Variants in BRPF3 observed in about 807,000 individuals in gnomAD.
The protein encoded by BRPF3 is bromodomain and PHD finger-containing protein 3.
In BRPF3, 18 loss-of-function variants were observed where a neutral mutation model predicts 102.0. That is an observed-to-expected ratio of 0.18 (90% CI 0.12 to 0.26). The LOEUF (loss-of-function observed/expected upper bound fraction) is 0.26, where lower values mean the gene tolerates loss of function less well. BRPF3 is among the 10% of genes least tolerant of loss of function. The probability of loss-of-function intolerance (pLI) is 1.00; values close to 1 mark genes in which losing one functional copy is unlikely to be tolerated. For missense variants in BRPF3, 1,147 were observed against 1,567.8 expected (o/e 0.73, Z 4.53); for synonymous variants, 570 against 614.2 (o/e 0.93, Z 1.06).
chr6:36,203,184 A>G (rs780230095), intron 2 of BRPF3, among the ~76,000 whole-genome samples: 2 of 152,216 alleles, frequency 1.3e-5, no homozygotes, highest in Non-Finnish European at 1.5e-5. Context: ...CTTGCTGGCT[A>G]AGAACCAGAC....
intron 4 of BRPF3, among the ~76,000 whole-genome samples, chr6:36,209,291 T>C (rs1361480863): frequency 1.3e-5 from 2 of 152,248 alleles, no homozygotes; most frequent in Admixed American, 6.5e-5. Context: ...TGTGGCATAA[T>C]GGCCAAGAGC....
In BRPF3 at chr6:36,232,347, T is replaced by C. The variant is rs933237839; in HGVS notation, c.*1738T>C. 1.3e-5 allele frequency: 2 copies of C among 152,334 alleles called. No individual in the cohort carries two copies. Among genetic ancestry groups the C allele is most frequent in the South Asian group, 2.1e-4 (1 of 4,834 alleles). 9.4% of individuals were successfully genotyped at this position (152,334 alleles called of 1,614,324 possible). On this transcript the variant is annotated 3_prime_UTR_variant, in exon 13 of 13. Transcript: ENST00000357641. ...CAGTGCTTCCCCTCTCCCCAGGTAGTTGGTCAGCTGTGGACTCTGTGACCT... is the reference window on the plus strand; with the variant it reads ...CAGTGCTTCCCCTCTCCCCAGGTAGCTGGTCAGCTGTGGACTCTGTGACCT...
At chr6:36,211,596 G>A (rs1225317380) in intron 7 of BRPF3, 36 bp downstream of exon 7, 1 of 1,540,246 alleles carries the variant, frequency 6.5e-7, no homozygotes, top group Non-Finnish European at 8.8e-7. Context: ...GGGGTTGGAG[G>A]GTAAAGAGGG....
rs1768948929 is a variant in BRPF3 at position 36,231,803 on chromosome 6, A to T, written c.*1194A>T. On this transcript the variant is annotated 3_prime_UTR_variant, in exon 13 of 13. Transcript: ENST00000357641. The stretch of plus-strand genomic sequence containing the variant: ...CCTCCCCACCTTCACCTTCTCAAAA[A>T]TGGAAGGAAAAAAAAACTGTGAATG... The T allele has an allele frequency of 6.6e-6, 1 of 152,438 alleles. No homozygotes were observed. The highest frequency in any genetic ancestry group is 2.4e-5 in the African/African-American group (1 of 41,368). 9.4% of individuals were successfully genotyped at this position (152,438 alleles called of 1,614,324 possible).
In BRPF3 at chr6:36,222,332, C is replaced by T. The variant is rs527282695; in HGVS notation, c.3181+67C>T. ...TCTGAGGAGCCAGCTCTTCAGGCTGCTGCACTGCTGGGGCTCCGTACCAGG... is the reference window on the plus strand; with the variant it reads ...TCTGAGGAGCCAGCTCTTCAGGCTGTTGCACTGCTGGGGCTCCGTACCAGG... On this transcript the variant is annotated intron_variant, in intron 10 of 12. Coordinates refer to ENST00000357641, the MANE Select transcript of BRPF3 (RefSeq NM_015695.3). 85 of 1,435,190 alleles carry T rather than the reference C, an allele frequency of 5.9e-5. 3 individuals carry two copies. The South Asian group carries it at 1.0e-3, about 17-fold the overall frequency. The allele number at this position is 1,435,190 out of a possible 1,614,324, so 88.9% of individuals were successfully genotyped here.
Position 36,204,793 on chromosome 6 carries a change from G to T in BRPF3, c.1584G>T (p.Gln528His), listed in dbSNP as rs541317631. The T allele has an allele frequency of 1.1e-5, 18 of 1,614,186 alleles. No homozygotes were observed. Among genetic ancestry groups the T allele is most frequent in the African/African-American group, 5.3e-5 (4 of 75,062 alleles). The stretch of plus-strand genomic sequence containing the variant: ...TCCGGCGCTTGCACTCCCATCTGCA[G>T]TCCCAAAGAAACGCTGAGCAGGTAG... Reference protein sequence around the residue: ...PLIRRLHSHLQSQRNAEQREQ... With the variant: ...PLIRRLHSHLHSQRNAEQREQ... The change falls in exon 3 of 13, where the codon CAG becomes CAT. Residue 528 changes from glutamine to histidine, a missense_variant. By Grantham distance (24) the Gln-to-His change is conservative (BLOSUM62 0). Transcript: ENST00000357641.
Position 36,210,414 on chromosome 6 carries a change from A to G in BRPF3, c.2065A>G (p.Ile689Val), listed in dbSNP as rs376083781. ...CCGCCTGCGGGACCTGGGAGGGGCC[A>G]TCCTACGGCACGCCCGGCGGCAGGC... ...AVRLRDLGGA[I>V]LRHARRQAEN... The change falls in exon 6 of 13, where the codon ATC becomes GTC. Residue 689 changes from isoleucine to valine, a missense_variant. Coordinates refer to ENST00000357641, the MANE Select transcript of BRPF3 (RefSeq NM_015695.3). The surrounding 1 kb of genome is among the most constrained non-coding windows in gnomAD (Gnocchi z 4.7). 3.7e-6 allele frequency: 6 copies of G among 1,613,954 alleles called. No homozygotes were observed. Among genetic ancestry groups the G allele is most frequent in the Admixed American group, 1.7e-5 (1 of 60,030 alleles).
chr6:36,220,704 G>A (rs1768504644), intron 9 of BRPF3, among the ~76,000 whole-genome samples: 1 of 152,178 alleles, frequency 6.6e-6, no homozygotes, highest in South Asian at 2.1e-4. Flanking sequence ...TTTTTATAGG[G>A]TAAATGGGAA....
At chr6:36,218,052 C>G (rs372359801) in intron 9 of BRPF3, 42 bp downstream of exon 9, 82 of 1,543,928 alleles carry the variant, frequency 5.3e-5, no homozygotes, top group Non-Finnish European at 7.2e-5. Flanking sequence ...GCTCTGCTAC[C>G]CCTCCTTTTA....
chr6:36,212,643 G>C (rs1006442688), intron 7 of BRPF3, among the ~76,000 whole-genome samples: 1 of 151,960 alleles, frequency 6.6e-6, no homozygotes, highest in Non-Finnish European at 1.5e-5. Context: ...CTGGGCTTTG[G>C]CTTGGAAGTC....
At chr6:36,198,187 C>G (rs1022020568) in intron 1 of BRPF3, among the ~76,000 whole-genome samples, 4 of 152,190 alleles carry the variant, frequency 2.6e-5, no homozygotes, top group Non-Finnish European at 5.9e-5. Context: ...GTGTGCCAGC[C>G]CGCCTGGCAC....
At chr6:36,228,865 T>C (rs772989147) in intron 11 of BRPF3, 37 bp from the exon 12 acceptor site, 32 of 1,611,106 alleles carry the variant, frequency 2.0e-5, no homozygotes, top group Admixed American at 6.7e-5. Flanking sequence ...CACCCTGGCC[T>C]CCCTCACTGA....
chr6:36,219,325 GA>G (rs1295862816), intron 9 of BRPF3, among the ~76,000 whole-genome samples: 1 of 152,182 alleles, frequency 6.6e-6, no homozygotes, highest in South Asian at 2.1e-4. Flanking sequence ...AAGTAGATGG[GA>G]AAAAATTATC....
chr6:36,210,390 C>A lies in BRPF3; in HGVS notation c.2041C>A (p.Arg681Ser). The A allele has an allele frequency of 6.2e-7, 1 of 1,614,188 alleles. No homozygotes were observed. The highest frequency in any genetic ancestry group is 8.5e-7 in the Non-Finnish European group (1 of 1,180,040). The change falls in exon 6 of 13, where the codon CGC becomes AGC. Residue 681 changes from arginine (R) to serine (S), a missense_variant. Physicochemically the swap from Arg to Ser is moderately radical, Grantham distance 110. Around this residue, in one of 11 missense-constraint regions of BRPF3, gnomAD observed 109 missense variants for 175.1 expected, o/e 0.62. Transcript: ENST00000357641. The surrounding 1 kb of genome is among the most constrained non-coding windows in gnomAD (Gnocchi z 4.7). ...KDTIFHRAAV[R>S]LRDLGGAILR... ...CACAATTTTCCACCGAGCAGCTGTC[C>A]GCCTGCGGGACCTGGGAGGGGCCAT...
chr6:36,210,666 G>C lies in BRPF3; in HGVS notation c.2179+138G>C. 1.3e-6 allele frequency: 1 copy of C among 742,162 alleles called. No individual in the cohort carries two copies. Among genetic ancestry groups the C allele is most frequent in the Non-Finnish European group, 2.2e-6 (1 of 463,406 alleles). 46.0% of individuals were successfully genotyped at this position (742,162 alleles called of 1,614,324 possible). A position where few individuals can be genotyped will look rare whatever the true frequency, so the allele number is the denominator to read the frequency against. Reference sequence around the variant, plus strand: ...AAAGCTGAGGGTGAGCACAGACTGAGGTATACCTTTGTGGCTAGAATAGTT... The same window carrying C: ...AAAGCTGAGGGTGAGCACAGACTGACGTATACCTTTGTGGCTAGAATAGTT... On this transcript the variant is annotated intron_variant, in intron 6 of 12. Transcript: ENST00000357641. This position sits in a 1 kb window ranked among gnomAD's most constrained non-coding sequence, Gnocchi z 4.7.
At chr6:36,228,576 C>G in intron 11 of BRPF3, among the ~76,000 whole-genome samples, 1 of 152,144 alleles carries the variant, frequency 6.6e-6, no homozygotes. Flanking sequence ...TAGTGGGTAA[C>G]CAGAGACCTC....
chr6:36,201,457 A>C lies in BRPF3; in HGVS notation c.1135A>C (p.Lys379Gln). The C allele has an allele frequency of 6.2e-7, 1 of 1,614,206 alleles. No homozygotes were observed. Among genetic ancestry groups the C allele is most frequent in the South Asian group, 1.1e-5 (1 of 91,092 alleles). ...CAATGGCACCATCTTTACAGTGCGCAAGACTGCCTACTGTGAGGCCCACTC... is the reference window on the plus strand; with the variant it reads ...CAATGGCACCATCTTTACAGTGCGCCAGACTGCCTACTGTGAGGCCCACTC... Reference protein sequence around the residue: ...SLNGTIFTVRKTAYCEAHSPP... With the variant: ...SLNGTIFTVRQTAYCEAHSPP... The change falls in exon 2 of 13, where the codon AAG becomes CAG. Residue 379 changes from lysine (K) to glutamine (Q), a missense_variant. Physicochemically the swap from Lys to Gln is moderately conservative, Grantham distance 53. Coordinates refer to ENST00000357641, the MANE Select transcript of BRPF3 (RefSeq NM_015695.3). This position sits in a 1 kb window ranked among gnomAD's most constrained non-coding sequence, Gnocchi z 5.1.
At chr6:36,211,718 G>C (rs998310286) in intron 7 of BRPF3, among the ~76,000 whole-genome samples, 158 bp downstream of exon 7, 1 of 152,210 alleles carries the variant, frequency 6.6e-6, no homozygotes, top group Non-Finnish European at 1.5e-5. Context: ...TATACGCAGG[G>C]ATGATGTTCA....
rs1451718786 is a variant in BRPF3 at position 36,207,970 on chromosome 6, C to T, written c.1737+526C>T. On this transcript the variant is annotated intron_variant, in intron 4 of 12. Transcript: ENST00000357641. ...GAACATGAGCTATGGCACCAGACTG[C>T]CTGGGTTGAAATCCTGCCTCTTCTA... Among the ~76,000 whole-genome samples the T allele has an allele frequency of 3.3e-5, 5 of 152,188 alleles. No individual in the cohort carries two copies. In the East Asian group the frequency reaches 9.6e-4, roughly 29 times the overall value.
Sources: allele counts gnomAD v4.1 joint callset (sites outside exome capture counted in the v4.1 genomes callset), GRCh38; gene constraint gnomAD v4.1.1; regional missense constraint gnomAD v4.1.1; non-coding constraint Gnocchi (gnomAD v3.1); transcripts MANE v1.5; gene names NCBI Gene and HGNC (gene_info 2026-07-23, HGNC 2026-07-21).